Variants in WNK1 observed in about 807,000 individuals in gnomAD.
WNK1 encodes the protein WNK lysine deficient protein kinase 1, also known as serine/threonine-protein kinase WNK1.
Under a neutral mutation model 222.8 loss-of-function variants are expected in WNK1, and 38 were observed. That is an observed-to-expected ratio of 0.17 (90% confidence interval 0.13 to 0.22). The LOEUF (loss-of-function observed/expected upper bound fraction) is 0.22. Among genes scored for constraint, WNK1 ranks in the 10% least tolerant of loss-of-function variants. WNK1 has a pLI of 1.00. For synonymous variants in WNK1, 1,090 were observed against 1,092.9 expected, an observed-to-expected ratio of 1.00 and a Z score of 0.05; for missense variants, 2,348 against 2,918.4, an observed-to-expected ratio of 0.80 and a Z score of 4.50.
intron 8 of WNK1, chr12:868,076 C>G: frequency 1.2e-6 from 2 of 1,614,026 alleles, no homozygotes; most frequent in Non-Finnish European, 1.7e-6. Context: ...TGGCCAAAGT[C>G]TTCTTCCACC....
In WNK1 at chr12:908,861, G is replaced by GGGGGGGGGCCCC; in HGVS notation, c.*69_*70insGGGGGGGGCCCC. 1 of 491,846 alleles carries GGGGGGGGGCCCC rather than the reference G, an allele frequency of 2.0e-6. No individual in the cohort carries two copies. The allele number at this position is 491,846 out of a possible 1,614,324, so 30.5% of individuals were successfully genotyped here. On this transcript the variant is annotated 3_prime_UTR_variant, in exon 28 of 28. Coordinates refer to ENST00000315939, the MANE Select transcript of WNK1 (RefSeq NM_018979.4). ...ATGCTGAGGGGGTGGGTGGGGGTGGGAAGTAGCCTATATACTAACTACTAG... is the reference window on the plus strand; with the variant it reads ...ATGCTGAGGGGGTGGGTGGGGGTGGGGGGGGGGGCCCCAAGTAGCCTATATACTAACTACTAG...
intron 8 of WNK1, chr12:865,476 T>G (rs1017079063): frequency 6.6e-6 from 9 of 1,366,558 alleles, no homozygotes; most frequent in Non-Finnish European, 8.7e-6. Context: ...TTGGTTATAT[T>G]ATGCTTCTAG....
rs898857210 is a variant in WNK1 at position 904,305 on chromosome 12, A to G, written c.6644-3542A>G. On this transcript the variant is annotated intron_variant, in intron 26 of 27. Coordinates refer to ENST00000315939, the MANE Select transcript of WNK1 (RefSeq NM_018979.4). ...CCAGTTCGAAACATTCTGTAGAACT[A>G]TATCTGTTCAAGGGCTACCAGGTCC... 16 of 460,630 alleles carry G rather than the reference A, an allele frequency of 3.5e-5. 1 individual carries two copies. Among genetic ancestry groups the G allele is most frequent in the Admixed American group, 1.7e-4 (6 of 34,328 alleles). 28.5% of individuals were successfully genotyped at this position (460,630 alleles called of 1,614,324 possible). A position where few individuals can be genotyped will look rare whatever the true frequency, so the allele number is the denominator to read the frequency against.
At chr12:864,139 A>C (rs1442634183) in intron 8 of WNK1, among the ~76,000 whole-genome samples, 13 of 125,336 alleles carry the variant, frequency 1.0e-4, no homozygotes, top group African/African-American at 4.6e-4. Flanking sequence ...ACAGCGTCTC[A>C]CTCTGTCTCC....
intron 1 of WNK1, among the ~76,000 whole-genome samples, chr12:803,876 A>T (rs893887300): frequency 6.6e-6 from 1 of 152,258 alleles, no homozygotes; most frequent in Non-Finnish European, 1.5e-5. Flanking sequence ...GTGACTTTTT[A>T]AAAGTAATAT....
At chr12:779,381 CTTTCT>C (rs1943443623) in intron 1 of WNK1, among the ~76,000 whole-genome samples, 1 of 144,234 alleles carries the variant, frequency 6.9e-6, no homozygotes, top group Non-Finnish European at 1.5e-5. Context: ...CCTTTCTTTT[CTTTCT>C]TTTCTTTTCT....
intron 1 of WNK1, among the ~76,000 whole-genome samples, chr12:813,191 C>T (rs570892100): frequency 7.2e-4 from 109 of 152,324 alleles, no homozygotes; most frequent in African/African-American, 2.4e-3. Context: ...TATGATAGCA[C>T]CGCTGCATTC....
intron 1 of WNK1, among the ~76,000 whole-genome samples, chr12:780,806 G>A (rs1312169988): frequency 6.6e-6 from 1 of 152,204 alleles, no homozygotes; most frequent in Non-Finnish European, 1.5e-5. Context: ...CTGAGTGGTA[G>A]AGTTGGATAA....
intron 1 of WNK1, among the ~76,000 whole-genome samples, chr12:755,922 C>T (rs1467025005): frequency 1.3e-5 from 2 of 152,204 alleles, no homozygotes; most frequent in South Asian, 2.1e-4. Context: ...TTGCAGTGAG[C>T]GGAGATCGCA....
chr12:819,529 T>C (rs1200339044), intron 2 of WNK1, among the ~76,000 whole-genome samples: 1 of 152,178 alleles, frequency 6.6e-6, no homozygotes, highest in Non-Finnish European at 1.5e-5. Context: ...TTGGATTTTC[T>C]GATTTGGATG....
intron 4 of WNK1, among the ~76,000 whole-genome samples, chr12:837,438 G>A (rs1949272729): frequency 6.6e-6 from 1 of 152,060 alleles, no homozygotes; most frequent in Non-Finnish European, 1.5e-5. Flanking sequence ...GCCATGCGCG[G>A]TGGCGGGCGC....
At chr12:783,098 G>A (rs570640265) in intron 1 of WNK1, among the ~76,000 whole-genome samples, 19 of 150,772 alleles carry the variant, frequency 1.3e-4, no homozygotes, top group African/African-American at 4.4e-4. Context: ...AGAGACGGGG[G>A]TAGGGTGGGT....
intron 3 of WNK1, among the ~76,000 whole-genome samples, chr12:828,087 C>G (rs1167228992): frequency 1.3e-5 from 2 of 150,976 alleles, no homozygotes; most frequent in East Asian, 3.9e-4. Context: ...CACTTGAGGT[C>G]AGGAGTTTGA....
At chr12:893,180 C>G (rs545903832) in intron 22 of WNK1, among the ~76,000 whole-genome samples, 1 of 152,180 alleles carries the variant, frequency 6.6e-6, no homozygotes, top group East Asian at 1.9e-4. Flanking sequence ...TCACCTGAGC[C>G]TGGGAGGTTG....
intron 4 of WNK1, among the ~76,000 whole-genome samples, chr12:840,823 GA>G (rs1388609471): frequency 1.3e-5 from 2 of 152,226 alleles, no homozygotes; most frequent in East Asian, 3.8e-4. Context: ...AAAGACATGA[GA>G]ATCTTGGTGC....
chr12:800,046 A>G (rs557466823), intron 1 of WNK1, among the ~76,000 whole-genome samples: 1 of 152,294 alleles, frequency 6.6e-6, no homozygotes, highest in South Asian at 2.1e-4. Flanking sequence ...TGGGAGGCTG[A>G]GACGGTAGGA....
At chr12:883,097 A>T in intron 15 of WNK1, 38 bp downstream of exon 15, 1 of 1,417,610 alleles carries the variant, frequency 7.1e-7, no homozygotes, top group Non-Finnish European at 1.0e-6. Flanking sequence ...TTTCCTTAGT[A>T]CTTGATCTTA....
At chr12:759,189 T>C (rs773734144) in intron 1 of WNK1, among the ~76,000 whole-genome samples, 2 of 147,352 alleles carry the variant, frequency 1.4e-5, no homozygotes, top group Non-Finnish European at 3.0e-5. Flanking sequence ...AGAGTAGCTG[T>C]ACTCAATTAT....
chr12:851,337 T>C (rs1426232942), intron 4 of WNK1: 1 of 994,702 alleles, frequency 1.0e-6, no homozygotes, highest in Non-Finnish European at 1.2e-6. Flanking sequence ...CCAAGAAAGG[T>C]TTTGATAGGT....
Sources: gnomAD v4.1 joint callset for allele counts (sites outside exome capture counted in the v4.1 genomes callset) on GRCh38, gnomAD v4.1.1 for gene constraint, MANE v1.5 for transcripts, NCBI Gene and HGNC (gene_info 2026-07-23, HGNC 2026-07-21) for gene names.